Variants in RAD23B observed in about 807,000 individuals in gnomAD.
The protein encoded by RAD23B is lysine-specific demethylase RAD23B.
A neutral mutation model predicts 49.1 loss-of-function variants in RAD23B; 5 were observed. That is an observed-to-expected ratio of 0.10 (90% CI 0.05 to 0.21). The LOEUF is 0.21. Among genes scored for constraint, RAD23B ranks in the 10% least tolerant of loss-of-function variants. RAD23B has a pLI of 1.00. For missense variants in RAD23B, 356 were observed against 486.7 expected (o/e 0.73, Z 2.53); for synonymous variants, 184 against 165.4 (o/e 1.11, Z -0.86).
chr9:107,306,095 A>G (rs1431036991), intron 3 of RAD23B, among the ~76,000 whole-genome samples: 13 of 126,956 alleles, frequency 1.0e-4, no homozygotes, highest in African/African-American at 1.8e-4. Flanking sequence ...ATATATTTCA[A>G]ATTTTTTATT....
At chr9:107,313,317 C>G (rs769556255) in intron 5 of RAD23B, among the ~76,000 whole-genome samples, 26 of 152,204 alleles carry the variant, frequency 1.7e-4, no homozygotes, top group Middle Eastern at 3.4e-3. Flanking sequence ...CCTCCACCTC[C>G]CAGGTTTAAG....
intron 1 of RAD23B, chr9:107,284,017 C>T: frequency 9.3e-7 from 1 of 1,072,606 alleles, no homozygotes; most frequent in South Asian, 4.3e-5. Context: ...CAGGCCGTCT[C>T]AGCCGTAGAG....
At chr9:107,295,394 A>G (rs11573647) in intron 1 of RAD23B, among the ~76,000 whole-genome samples, 5,783 of 152,238 alleles carry the variant, frequency 0.038, 337 homozygotes, top group African/African-American at 0.13. Flanking sequence ...TTAGTAAGAT[A>G]CTGAAAAATA....
At chr9:107,317,693 A>C (rs1464418041) in intron 5 of RAD23B, among the ~76,000 whole-genome samples, 1 of 151,712 alleles carries the variant, frequency 6.6e-6, no homozygotes, top group Non-Finnish European at 1.5e-5. Flanking sequence ...GTGAGGCAAC[A>C]ATAAAGGTAA....
At chr9:107,294,887 TGAATG>T (rs1479786834) in intron 1 of RAD23B, among the ~76,000 whole-genome samples, 5 of 151,804 alleles carry the variant, frequency 3.3e-5, no homozygotes, top group Admixed American at 2.0e-4. Context: ...CGTGAAGCAG[TGAATG>T]GAGAGATAGG....
At chr9:107,290,755 G>T (rs1352070374) in intron 1 of RAD23B, among the ~76,000 whole-genome samples, 1 of 152,006 alleles carries the variant, frequency 6.6e-6, no homozygotes, top group Non-Finnish European at 1.5e-5. Context: ...TTTTTATTTC[G>T]ATCATTTCAC....
chr9:107,284,666 A>G (rs910665882), intron 1 of RAD23B: 1 of 1,064,530 alleles, frequency 9.4e-7, no homozygotes, highest in East Asian at 6.7e-5. Flanking sequence ...TTTACTGCTT[A>G]TGTTCGGAAA....
intron 5 of RAD23B, among the ~76,000 whole-genome samples, chr9:107,316,124 C>G (rs1826989600): frequency 6.6e-6 from 1 of 152,232 alleles, no homozygotes; most frequent in East Asian, 1.9e-4. Context: ...ATTCTCCTGC[C>G]TCAGCCTCCT....
chr9:107,286,422 G>A (rs1833273582), intron 1 of RAD23B, among the ~76,000 whole-genome samples: 1 of 152,122 alleles, frequency 6.6e-6, no homozygotes, highest in Admixed American at 6.5e-5. Flanking sequence ...GTTTTAAGGT[G>A]TTTTTATTTG....
At chr9:107,292,891 T>C (rs750991293) in intron 1 of RAD23B, among the ~76,000 whole-genome samples, 5 of 152,190 alleles carry the variant, frequency 3.3e-5, no homozygotes, top group Non-Finnish European at 7.3e-5. Context: ...GTTAACCTAT[T>C]ACTGCATAAC....
At chr9:107,301,823 G>A (rs1826660507) in intron 2 of RAD23B, among the ~76,000 whole-genome samples, 1 of 152,074 alleles carries the variant, frequency 6.6e-6, no homozygotes, top group Admixed American at 6.5e-5. Flanking sequence ...TTACAGGTGT[G>A]AGCCACCATG....
chr9:107,305,566 G>T (rs1826745000), intron 3 of RAD23B, among the ~76,000 whole-genome samples: 1 of 151,924 alleles, frequency 6.6e-6, no homozygotes, highest in African/African-American at 2.4e-5. Flanking sequence ...TCAACTAATT[G>T]TTTTTTTGCT....
intron 1 of RAD23B, among the ~76,000 whole-genome samples, chr9:107,294,226 G>A (rs1174251862): frequency 2.0e-5 from 3 of 152,144 alleles, no homozygotes; most frequent in Admixed American, 2.0e-4. Flanking sequence ...TGTTGAGTAC[G>A]TTTTTATTTT....
chr9:107,306,045 T>TATATATATATATTTA (rs1564245432), intron 3 of RAD23B, among the ~76,000 whole-genome samples: 1 of 26,800 alleles, frequency 3.7e-5, no homozygotes, highest in African/African-American at 1.3e-4. Flanking sequence ...ATGATACGGT[T>TATATATATATATTTA]TATATCTATA....
At chr9:107,292,644 C>A (rs1462742272) in intron 1 of RAD23B, among the ~76,000 whole-genome samples, 5 of 139,658 alleles carry the variant, frequency 3.6e-5, no homozygotes, top group African/African-American at 1.4e-4. Context: ...CGTGCCACTA[C>A]ACTCCAGCCT....
At position 107,330,187 on chromosome 9, in the gene RAD23B, A is replaced by G. The variant is rs1434696073; in HGVS notation, c.*531A>G. ...AAAATAAGTATAAAATTAATATGTAAGGAAGCCCATTCTTTCATGTTAAAT... is the reference window on the plus strand; with the variant it reads ...AAAATAAGTATAAAATTAATATGTAGGGAAGCCCATTCTTTCATGTTAAAT... On this transcript the variant is annotated 3_prime_UTR_variant, in exon 10 of 10. Transcript: ENST00000358015. The surrounding 1 kb of genome is among the most constrained non-coding windows in gnomAD (Gnocchi z 4.4). 3 of 152,760 alleles carry G rather than the reference A, an allele frequency of 2.0e-5. No homozygotes were observed. Among genetic ancestry groups the G allele is most frequent in the East Asian group, 3.9e-4 (2 of 5,186 alleles). 9.5% of individuals were successfully genotyped at this position (152,760 alleles called of 1,614,324 possible).
At position 107,324,854 on chromosome 9, in the gene RAD23B, G is replaced by T. The variant is rs368535246; in HGVS notation, c.966G>T (p.Glu322Asp). ...QLLQQISQHQEHFIQMLNEPV... is the reference protein window; with the variant it reads ...QLLQQISQHQDHFIQMLNEPV... The stretch of plus-strand genomic sequence containing the variant: ...CACAGCAAATTAGCCAACACCAGGA[G>T]CATTTTATTCAGATGTTAAATGAAC... The change falls in exon 9 of 10, where the codon GAG becomes GAT. Residue 322 changes from glutamate (E) to aspartate (D), a missense_variant. By Grantham distance (45) the Glu-to-Asp change is conservative. Around this residue, in one of 5 missense-constraint regions of RAD23B, gnomAD observed 148 missense variants for 231.7 expected, o/e 0.64. Transcript: ENST00000358015. 6.2e-7 allele frequency: 1 copy of T among 1,609,512 alleles called. No individual in the cohort carries two copies. Among genetic ancestry groups the T allele is most frequent in the Admixed American group, 1.7e-5 (1 of 59,270 alleles).
At chr9:107,300,015 ATAT>A (rs1462725045) in intron 1 of RAD23B, 123 bp from the exon 2 acceptor site, 2 of 1,210,446 alleles carry the variant, frequency 1.7e-6, no homozygotes, top group East Asian at 2.8e-5. Flanking sequence ...GAAAAACATA[ATAT>A]TTGAGGTTTT....
chr9:107,314,130 C>A (rs113376420), intron 5 of RAD23B, among the ~76,000 whole-genome samples: 2 of 152,334 alleles, frequency 1.3e-5, no homozygotes, highest in African/African-American at 4.8e-5. Flanking sequence ...AAGCAACTCT[C>A]ATGGGGTCTT....
Sources: allele counts gnomAD v4.1 joint callset (sites outside exome capture counted in the v4.1 genomes callset), GRCh38; gene constraint gnomAD v4.1.1; regional missense constraint gnomAD v4.1.1; non-coding constraint Gnocchi (gnomAD v3.1); transcripts MANE v1.5; gene names NCBI Gene and HGNC (gene_info 2026-07-23, HGNC 2026-07-21).